The following FAM227B variants were observed in gnomAD, a reference collection of about 807,000 sequenced individuals.
The protein encoded by FAM227B is family with sequence similarity 227 member B.
FAM227B carries 88 observed loss-of-function variants against 73.8 expected under a neutral mutation model. The observed-to-expected ratio is 1.19, with a 90% CI of 1.00 to 1.42. FAM227B has a LOEUF of 1.42. FAM227B is among the 40% of genes most tolerant of loss of function. FAM227B has a pLI of 0.00. For synonymous variants in FAM227B, 210 were observed against 190.5 expected, an observed-to-expected ratio of 1.10 and a Z score of -0.84; for missense variants, 632 against 590.9, an observed-to-expected ratio of 1.07 and a Z score of -0.72.
At chr15:49,558,184 C>T (rs916061503) in intron 9 of FAM227B, among the ~76,000 whole-genome samples, 3 of 152,010 alleles carry the variant, frequency 2.0e-5, no homozygotes, top group Admixed American at 1.3e-4. Flanking sequence ...CCAGAAAGCA[C>T]CCAGACTAAA....
At chr15:49,455,863 C>A (rs1436808879) in intron 11 of FAM227B, among the ~76,000 whole-genome samples, 1 of 151,146 alleles carries the variant, frequency 6.6e-6, no homozygotes, top group South Asian at 2.1e-4. Flanking sequence ...TCTTTTTTTT[C>A]TTTTTGTACC....
At chr15:49,537,847 T>C (rs1270685535) in intron 10 of FAM227B, among the ~76,000 whole-genome samples, 1 of 152,076 alleles carries the variant, frequency 6.6e-6, no homozygotes, top group Non-Finnish European at 1.5e-5. Flanking sequence ...CACTGATATT[T>C]GGAAAATAAG....
intron 11 of FAM227B, among the ~76,000 whole-genome samples, chr15:49,437,107 T>C (rs1472219174): frequency 6.6e-6 from 1 of 151,592 alleles, no homozygotes; most frequent in African/African-American, 2.4e-5. Context: ...TATACTTCTG[T>C]TCTTTAGGGT....
chr15:49,586,415 A>C (rs1261191587), intron 5 of FAM227B, among the ~76,000 whole-genome samples: 1 of 152,218 alleles, frequency 6.6e-6, no homozygotes, highest in Admixed American at 6.5e-5. Context: ...CCAAAATGTA[A>C]AACCCAAAAC....
At chr15:49,537,804 G>A (rs2070487237) in intron 10 of FAM227B, among the ~76,000 whole-genome samples, 2 of 152,094 alleles carry the variant, frequency 1.3e-5, no homozygotes. Context: ...AGTGAAATAA[G>A]CCAGACACAT....
chr15:49,407,644 A>G (rs114079081), intron 11 of FAM227B, among the ~76,000 whole-genome samples: 2,741 of 147,886 alleles, frequency 0.019, 83 homozygotes, highest in African/African-American at 0.065. Context: ...TAATATATAT[A>G]TTATATTATT....
chr15:49,619,009 T>A (rs372826045), intron 1 of FAM227B, among the ~76,000 whole-genome samples: 2 of 152,306 alleles, frequency 1.3e-5, no homozygotes, highest in South Asian at 2.1e-4. Context: ...AATTGATACA[T>A]GTCATTTTTA....
chr15:49,460,259 C>G (rs2053673208), intron 11 of FAM227B, among the ~76,000 whole-genome samples: 1 of 152,116 alleles, frequency 6.6e-6, no homozygotes, highest in South Asian at 2.1e-4. Flanking sequence ...AGTAGGTAAG[C>G]TGCACAATTA....
At chr15:49,380,371 C>A (rs1410274445) in intron 11 of FAM227B, among the ~76,000 whole-genome samples, 1 of 152,098 alleles carries the variant, frequency 6.6e-6, no homozygotes, top group African/African-American at 2.4e-5. Context: ...GGTGCTCTGC[C>A]CTGCCATGGC....
At chr15:49,597,548 C>T (rs1176430900) in intron 3 of FAM227B, among the ~76,000 whole-genome samples, 1 of 151,862 alleles carries the variant, frequency 6.6e-6, no homozygotes, top group Non-Finnish European at 1.5e-5. Context: ...TCTAAGGTGA[C>T]ACCTCAAGGA....
At chr15:49,514,237 T>C (rs2059229103) in intron 10 of FAM227B, among the ~76,000 whole-genome samples, 1 of 152,204 alleles carries the variant, frequency 6.6e-6, no homozygotes, top group Admixed American at 6.5e-5. Context: ...GAGGATAGAA[T>C]GTTTTTCCAT....
chr15:49,612,261 G>C (rs951590150), intron 2 of FAM227B, among the ~76,000 whole-genome samples: 1 of 151,948 alleles, frequency 6.6e-6, no homozygotes, highest in African/African-American at 2.4e-5. Context: ...CCCCACAACA[G>C]GCCCCAGTGT....
At position 49,328,550 on chromosome 15, in the gene FAM227B, G is replaced by A. The variant is rs753592849; in HGVS notation, c.*18C>T. ...ATTGTATGCATTATTCTTGAATAGA[G>A]TTCATTTCTGGTTTCTCTTAGTATT... On this transcript the variant is annotated 3_prime_UTR_variant, in exon 16 of 16. Coordinates refer to ENST00000299338, the MANE Select transcript of FAM227B (RefSeq NM_152647.3). 4 of 1,606,876 alleles carry A rather than the reference G, an allele frequency of 2.5e-6. No homozygotes were observed. Among genetic ancestry groups the A allele is most frequent in the Non-Finnish European group, 3.4e-6 (4 of 1,175,488 alleles).
At chr15:49,488,045 A>C (rs2056551572) in intron 11 of FAM227B, 1 of 151,994 alleles carries the variant, frequency 6.6e-6, no homozygotes, top group Admixed American at 6.6e-5. Flanking sequence ...AAAAATATTT[A>C]ACAGTCAGTA....
chr15:49,604,776 G>A (rs1347891314), intron 3 of FAM227B, among the ~76,000 whole-genome samples: 1 of 148,702 alleles, frequency 6.7e-6, no homozygotes, highest in Non-Finnish European at 1.5e-5. Context: ...AGTTTCAAAT[G>A]ATCTGTTTTT....
At chr15:49,351,649 T>C (rs1003182630) in intron 13 of FAM227B, among the ~76,000 whole-genome samples, 2 of 152,118 alleles carry the variant, frequency 1.3e-5, no homozygotes, top group African/African-American at 4.8e-5. Flanking sequence ...GGAGGCTTAT[T>C]TGAGTGCTCT....
At chr15:49,549,964 G>A (rs1460868943) in intron 9 of FAM227B, among the ~76,000 whole-genome samples, 1 of 115,102 alleles carries the variant, frequency 8.7e-6, no homozygotes, top group African/African-American at 2.8e-5. Flanking sequence ...GCGGGGGGCT[G>A]ACCCCCCCAC....
chr15:49,543,732 C>T (rs1352772826), intron 9 of FAM227B, among the ~76,000 whole-genome samples: 1 of 152,126 alleles, frequency 6.6e-6, no homozygotes, highest in Non-Finnish European at 1.5e-5. Context: ...GCCAATTATC[C>T]CAGAACCATT....
At chr15:49,423,832 A>T (rs757003986) in intron 11 of FAM227B, among the ~76,000 whole-genome samples, 1 of 152,054 alleles carries the variant, frequency 6.6e-6, no homozygotes, top group Non-Finnish European at 1.5e-5. Flanking sequence ...TTTTGTCTCT[A>T]CTCATGCATA....
Sources: allele counts gnomAD v4.1 joint callset (sites outside exome capture counted in the v4.1 genomes callset), GRCh38; gene constraint gnomAD v4.1.1; transcripts MANE v1.5; gene names NCBI Gene and HGNC (gene_info 2026-07-23, HGNC 2026-07-21).